PCDHGB4: variants seen among roughly 807,000 people sequenced by gnomAD.
The protein encoded by PCDHGB4 is protocadherin gamma subfamily B, 4, also known as protocadherin gamma-B4.
A neutral mutation model predicts 60.5 loss-of-function variants in PCDHGB4; 38 were observed. The ratio of observed to expected loss-of-function variants is 0.63; its 90% CI spans 0.48 to 0.82. The LOEUF (loss-of-function observed/expected upper bound fraction) is 0.82. Ranked by LOEUF, PCDHGB4 falls within the 40% of genes least tolerant of loss-of-function variation. PCDHGB4 has a pLI of 0.00. For synonymous variants in PCDHGB4, 456 were observed against 509.7 expected, an observed-to-expected ratio of 0.89 and a Z score of 1.42; for missense variants, 1,109 against 1,209.6, an observed-to-expected ratio of 0.92 and a Z score of 1.23.
intron 1 of PCDHGB4, among the ~76,000 whole-genome samples, chr5:141,484,321 G>A (rs2099594762): frequency 6.6e-6 from 1 of 152,124 alleles, no homozygotes; most frequent in Non-Finnish European, 1.5e-5. Flanking sequence ...CTTCCATACT[G>A]TCCTTGAAAT....
intron 1 of PCDHGB4, chr5:141,479,196 C>T (rs2099489838): frequency 2.0e-5 from 3 of 152,432 alleles, no homozygotes; most frequent in African/African-American, 7.2e-5. Context: ...TCAGAAAATA[C>T]AGAAAAGTAT....
chr5:141,415,387 G>A (rs1347191224), intron 1 of PCDHGB4: 2 of 1,614,168 alleles, frequency 1.2e-6, no homozygotes. Context: ...CGGCTTGACA[G>A]GTGTGTCCGG....
rs2099455203 is a variant in PCDHGB4 at position 141,478,427 on chromosome 5, C to T, written c.2398-16380C>T. The T allele has an allele frequency of 1.9e-6, 3 of 1,613,742 alleles. No individual in the cohort carries two copies. Among genetic ancestry groups the T allele is most frequent in the Non-Finnish European group, 2.5e-6 (3 of 1,180,014 alleles). On this transcript the variant is annotated intron_variant, in intron 1 of 3. Coordinates refer to ENST00000519479, the MANE Select transcript of PCDHGB4 (RefSeq NM_003736.4). ...CACCACGGACTCCCGCCGCAGCGAC[C>T]CGCTGCTGAAGAAACCTGGTGCAGC...
intron 1 of PCDHGB4, chr5:141,418,347 G>C: frequency 6.2e-7 from 1 of 1,614,024 alleles, no homozygotes; most frequent in Non-Finnish European, 8.5e-7. Context: ...CCTGATATTA[G>C]TATGAATTCG....
chr5:141,447,650 TC>T (rs1036312126), intron 1 of PCDHGB4, among the ~76,000 whole-genome samples: 1 of 151,988 alleles, frequency 6.6e-6, no homozygotes, highest in Non-Finnish European at 1.5e-5. Context: ...GGTAGAATTT[TC>T]CCCCCCAGGA....
chr5:141,446,594 A>G (rs571957656), intron 1 of PCDHGB4, among the ~76,000 whole-genome samples: 8 of 152,136 alleles, frequency 5.3e-5, no homozygotes, highest in African/African-American at 1.9e-4. Flanking sequence ...CTTCTGCCTC[A>G]GCCTCCTGAG....
chr5:141,409,273 G>A, intron 1 of PCDHGB4: 1 of 1,613,958 alleles, frequency 6.2e-7, no homozygotes, highest in South Asian at 1.1e-5. Context: ...ATCAGATTTT[G>A]GAGAATTCAC....
intron 1 of PCDHGB4, chr5:141,419,601 C>T (rs753678898): frequency 6.2e-7 from 1 of 1,611,818 alleles, no homozygotes; most frequent in South Asian, 1.1e-5. Context: ...GTGCCGCGGG[C>T]CGCGCAGCCA....
rs755462760 is a variant in PCDHGB4, at chr5:141,393,015, T to A, written c.2397+2734T>A. On this transcript the variant is annotated intron_variant, in intron 1 of 3. Coordinates refer to ENST00000519479, the MANE Select transcript of PCDHGB4 (RefSeq NM_003736.4). ...GGCGAAGCACGGAGTCCGTATCGTC[T>A]CCAGAGGTAGGACGCAGCTCTTTGC... The A allele has an allele frequency of 1.6e-5, 26 of 1,613,696 alleles. No individual in the cohort carries two copies. The highest frequency in any genetic ancestry group is 1.9e-5 in the Non-Finnish European group (22 of 1,179,874).
In PCDHGB4 at chr5:141,431,317, C is replaced by G; in HGVS notation, c.2397+41036C>G. 2 of 1,614,082 alleles carry G rather than the reference C, an allele frequency of 1.2e-6. No homozygotes were observed. The highest frequency in any genetic ancestry group is 1.7e-6 in the Non-Finnish European group (2 of 1,180,038). On this transcript the variant is annotated intron_variant, in intron 1 of 3. Transcript: ENST00000519479. The surrounding 1 kb of genome is among the most constrained non-coding windows in gnomAD (Gnocchi z 4.8). ...TCTCCCTCATCGTGCAAAATGGAGC[C>G]GACGGTAGTAAGTACCCCGAATTGG...
At chr5:141,508,792 C>T (rs1198342551) in intron 3 of PCDHGB4, among the ~76,000 whole-genome samples, 3 of 152,130 alleles carry the variant, frequency 2.0e-5, no homozygotes, top group Admixed American at 6.5e-5. Flanking sequence ...CTAAATCACT[C>T]TGGAATCCTG....
At chr5:141,430,301 C>G (rs985986465) in intron 1 of PCDHGB4, among the ~76,000 whole-genome samples, 2 of 150,982 alleles carry the variant, frequency 1.3e-5, no homozygotes, top group Non-Finnish European at 2.9e-5. Context: ...AGCAGATGCA[C>G]TAACATTATA....
intron 1 of PCDHGB4, chr5:141,398,266 G>A: frequency 1.4e-6 from 2 of 1,439,368 alleles, no homozygotes; most frequent in Non-Finnish European, 1.9e-6. Flanking sequence ...GGGCTCCGTA[G>A]TGGGGAACCT....
intron 2 of PCDHGB4, among the ~76,000 whole-genome samples, chr5:141,497,859 G>A (rs188372194): frequency 2.0e-4 from 31 of 152,134 alleles, no homozygotes; most frequent in Middle Eastern, 6.8e-3. Context: ...TTGATTCAGC[G>A]GCTCCAAAGT....
chr5:141,509,155 C>G (rs981661695), intron 3 of PCDHGB4, among the ~76,000 whole-genome samples: 3 of 152,202 alleles, frequency 2.0e-5, no homozygotes, highest in Non-Finnish European at 4.4e-5. Flanking sequence ...GCTCTCCCCT[C>G]CCGTGTGCCC....
intron 1 of PCDHGB4, among the ~76,000 whole-genome samples, chr5:141,444,014 T>C (rs2098414038): frequency 6.6e-6 from 1 of 152,122 alleles, no homozygotes; most frequent in Admixed American, 6.6e-5. Flanking sequence ...GGGTATTGGC[T>C]TCTAAAAGGA....
chr5:141,402,197 A>G (rs1346156119), intron 1 of PCDHGB4, among the ~76,000 whole-genome samples: 5 of 152,132 alleles, frequency 3.3e-5, no homozygotes, highest in Non-Finnish European at 5.9e-5. Context: ...TATTACTTTT[A>G]TAATACAAAA....
Position 141,491,536 on chromosome 5 carries a change from C to T in PCDHGB4, c.2398-3271C>T, listed in dbSNP as rs746800813. 1.2e-6 allele frequency: 2 copies of T among 1,614,006 alleles called. No individual in the cohort carries two copies. Among genetic ancestry groups the T allele is most frequent in the Admixed American group, 3.3e-5 (2 of 60,030 alleles). On this transcript the variant is annotated intron_variant, in intron 1 of 3. Coordinates refer to ENST00000519479, the MANE Select transcript of PCDHGB4 (RefSeq NM_003736.4). This position sits in a 1 kb window ranked among gnomAD's most constrained non-coding sequence, Gnocchi z 6.9. ...CAAGTACATGGAGGTGACGCTGCGG[C>T]CCACAGACTCGCAGAGCCACTGCTA...
intron 1 of PCDHGB4, among the ~76,000 whole-genome samples, chr5:141,406,535 G>A (rs2094820779): frequency 6.6e-6 from 1 of 152,168 alleles, no homozygotes; most frequent in South Asian, 2.1e-4. Context: ...TTCTGACGAA[G>A]ATTCAAACTT....
Sources: gnomAD v4.1 joint callset for allele counts (sites outside exome capture counted in the v4.1 genomes callset) on GRCh38, gnomAD v4.1.1 for gene constraint, Gnocchi (gnomAD v3.1) non-coding constraint, MANE v1.5 for transcripts, NCBI Gene and HGNC (gene_info 2026-07-23, HGNC 2026-07-21) for gene names.